DNAH3: variants seen among roughly 807,000 people sequenced by gnomAD.
DNAH3 encodes the protein dynein axonemal heavy chain 3.
In DNAH3, 332 loss-of-function variants were observed where a neutral mutation model predicts 432.5. The observed-to-expected ratio is 0.77, with a 90% CI of 0.70 to 0.84. DNAH3 has a LOEUF of 0.84. Among genes scored for constraint, DNAH3 ranks in the 40% least tolerant of loss-of-function variants. DNAH3 has a pLI of 0.00. For missense variants in DNAH3, 4,861 were observed against 5,114.0 expected, an observed-to-expected ratio of 0.95 and a Z score of 1.51; for synonymous variants, 1,956 against 1,900.2, an observed-to-expected ratio of 1.03 and a Z score of -0.76.
intron 47 of DNAH3, 65 bp downstream of exon 47, chr16:20,987,240 G>T: frequency 6.3e-7 from 1 of 1,586,750 alleles, no homozygotes; most frequent in Non-Finnish European, 8.6e-7. Flanking sequence ...CCTGAAATCT[G>T]AAAGTAACGT....
intron 47 of DNAH3, 46 bp downstream of exon 47, chr16:20,987,259 A>C: frequency 6.2e-7 from 1 of 1,607,406 alleles, no homozygotes; most frequent in Non-Finnish European, 8.5e-7. Flanking sequence ...GTGGTTAAAC[A>C]CTTGGAACCA....
At chr16:20,972,238 C>CT (rs567074716) in intron 51 of DNAH3, among the ~76,000 whole-genome samples, 15,032 of 142,946 alleles carry the variant, frequency 0.11, 1,216 homozygotes, top group African/African-American at 0.23. Context: ...TTTTTTCTCT[C>CT]TTTTTTTTTT....
At position 21,081,621 on chromosome 16, in the gene DNAH3, G is replaced by A. The variant is rs1300668885; in HGVS notation, c.2969+15C>T. On this transcript the variant is annotated intron_variant, in intron 20 of 61. Coordinates refer to ENST00000261383, the Ensembl canonical transcript of DNAH3. Reference sequence around the variant, plus strand: ...TTGACCAAAACCTTATCTGAAGGAGGGGATAAGCCCTTACTTTTCAACGAA... The same window carrying A: ...TTGACCAAAACCTTATCTGAAGGAGAGGATAAGCCCTTACTTTTCAACGAA... 1.2e-6 allele frequency: 2 copies of A among 1,604,386 alleles called. No individual in the cohort carries two copies. Among genetic ancestry groups the A allele is most frequent in the South Asian group, 1.1e-5 (1 of 90,524 alleles).
chr16:21,061,056 C>A (rs1384252037), intron 25 of DNAH3, among the ~76,000 whole-genome samples: 1 of 151,392 alleles, frequency 6.6e-6, no homozygotes, highest in African/African-American at 2.4e-5. Context: ...CCAGGCTGGT[C>A]TTGATTTCCT....
intron 16 of DNAH3, among the ~76,000 whole-genome samples, chr16:21,103,377 T>C (rs1480596308): frequency 2.1e-5 from 3 of 144,694 alleles, no homozygotes; most frequent in East Asian, 2.1e-4. Flanking sequence ...GGTGGGGGAG[T>C]TGGGAGGTAT....
chr16:20,963,664 T>C, exon 53 of DNAH3: 1 of 1,613,758 alleles, frequency 6.2e-7, no homozygotes, highest in Non-Finnish European at 8.5e-7. Flanking sequence ...TGGATTGGGG[T>C]AGGGGTTATC....
At chr16:21,017,273 T>G (rs1406861763) in intron 41 of DNAH3, among the ~76,000 whole-genome samples, 1 of 152,166 alleles carries the variant, frequency 6.6e-6, no homozygotes, top group Non-Finnish European at 1.5e-5. Flanking sequence ...AGAGCCTCCC[T>G]GTGGTTCATC....
At chr16:20,938,987 A>C (rs2152566321) in intron 59 of DNAH3, among the ~76,000 whole-genome samples, 1 of 151,966 alleles carries the variant, frequency 6.6e-6, no homozygotes, top group East Asian at 1.9e-4. Flanking sequence ...CTGATCTCCA[A>C]CTCCTGAGCA....
At chr16:21,060,093 AG>A (rs765060638) in intron 26 of DNAH3, among the ~76,000 whole-genome samples, 170 bp downstream of exon 26, 6 of 152,310 alleles carry the variant, frequency 3.9e-5, no homozygotes, top group Non-Finnish European at 5.9e-5. Context: ...GTATTTCACC[AG>A]GAATAGGTTC....
chr16:20,985,777 C>A, intron 47 of DNAH3, 62 bp from the exon 48 acceptor site: 2 of 1,538,614 alleles, frequency 1.3e-6, no homozygotes, highest in Non-Finnish European at 8.8e-7. Flanking sequence ...CTGGTAGGGA[C>A]ATCATGGAGG....
chr16:20,964,278 T>C, exon 53 of DNAH3: 1 of 1,614,192 alleles, frequency 6.2e-7, no homozygotes, highest in Non-Finnish European at 8.5e-7. Flanking sequence ...GGAGTTGATC[T>C]TGGAGACCCA....
Position 20,985,582 on chromosome 16 carries a change from A to G in DNAH3, c.7160T>C (p.Val2387Ala), listed in dbSNP as rs745979833. ...TTCTTCCAGATAGTGCTCCATGACC[A>G]CAGTCAGCTGTTTCAGGTCAGTGAT... The change falls in exon 48 of 62, where the codon GTG becomes GCG. Residue 2387 changes from valine (V) to alanine (A), a missense_variant. Coordinates refer to ENST00000261383, the Ensembl canonical transcript of DNAH3. 4.8e-5 allele frequency: 78 copies of G among 1,614,104 alleles called. No individual in the cohort carries two copies. Among genetic ancestry groups the G allele is most frequent in the Non-Finnish European group, 6.4e-5 (76 of 1,180,046 alleles).
chr16:21,062,584 A>T (rs1176932000), exon 25 of DNAH3: 1 of 1,614,062 alleles, frequency 6.2e-7, no homozygotes, highest in Non-Finnish European at 8.5e-7. Flanking sequence ...CAAGCTTGGC[A>T]ATTCCTTCAA....
intron 48 of DNAH3, among the ~76,000 whole-genome samples, chr16:20,983,587 G>A (rs767640205): frequency 2.0e-5 from 3 of 152,012 alleles, no homozygotes; most frequent in Non-Finnish European, 2.9e-5. Context: ...GAGGTCATCT[G>A]CTTGTTTCTG....
At chr16:20,941,460 G>A (rs1160167550) in exon 59 of DNAH3, 16 of 1,614,004 alleles carry the variant, frequency 9.9e-6, no homozygotes, top group South Asian at 6.6e-5. Flanking sequence ...CATAGACCAC[G>A]GGGTACAACT....
intron 14 of DNAH3, among the ~76,000 whole-genome samples, chr16:21,107,317 G>A (rs1333703978): frequency 7.3e-6 from 1 of 137,028 alleles, no homozygotes. Flanking sequence ...ATAGCTCACT[G>A]CAACCTCTGC....
chr16:21,009,136 C>A (rs1224365792), intron 41 of DNAH3, among the ~76,000 whole-genome samples: 1 of 152,194 alleles, frequency 6.6e-6, no homozygotes, highest in African/African-American at 2.4e-5. Context: ...CATGAGTATG[C>A]AACACCATCT....
rs71275930 is a variant in DNAH3 at position 21,139,776 on chromosome 16, C to CTTTTT, written c.696+755_696+759dup. Reference sequence around the variant, plus strand: ...AGTCACCATGCCCAGCCACCTCATTCTTTTTTTTTTTTTTTTTTTTTGAGA... The same window carrying CTTTTT: ...AGTCACCATGCCCAGCCACCTCATTCTTTTTTTTTTTTTTTTTTTTTTTTTTGAGA... On this transcript the variant is annotated intron_variant, in intron 5 of 61. Coordinates refer to ENST00000261383, the Ensembl canonical transcript of DNAH3. Among the ~76,000 whole-genome samples, 35 of 86,202 alleles carry CTTTTT rather than the reference C, an allele frequency of 4.1e-4. 1 individual carries two copies. Among genetic ancestry groups the CTTTTT allele is most frequent in the African/African-American group, 5.3e-4 (11 of 20,594 alleles). The allele number at this position is 86,202 out of a possible 152,430, so 56.6% of individuals were successfully genotyped here. A position where few individuals can be genotyped will look rare whatever the true frequency, so the allele number is the denominator to read the frequency against.
In DNAH3 at chr16:20,944,498, G is replaced by A. The variant is rs760464313; in HGVS notation, c.11509C>T (p.Gln3837Ter). The change falls in exon 58 of 62, where the codon CAG becomes TAG. Residue 3837 changes from glutamine to a stop codon, truncating the protein, a stop_gained and splice_region_variant. Coordinates refer to ENST00000261383, the Ensembl canonical transcript of DNAH3. LOFTEE classifies it high-confidence loss of function. ...CCCCCTTTCCCGAGCCCAGTTACCT[G>A]AGGGGACTTGCCACTTCCTCCTGAC... The A allele has an allele frequency of 1.2e-6, 2 of 1,614,064 alleles. No homozygotes were observed. Among genetic ancestry groups the A allele is most frequent in the South Asian group, 2.2e-5 (2 of 91,068 alleles).
Sources: gnomAD v4.1 joint callset for allele counts (sites outside exome capture counted in the v4.1 genomes callset) on GRCh38, gnomAD v4.1.1 for gene constraint, MANE v1.5 for transcripts, NCBI Gene and HGNC (gene_info 2026-07-23, HGNC 2026-07-21) for gene names.